EPB41L4A: variants seen among roughly 807,000 people sequenced by gnomAD.
The protein encoded by EPB41L4A is band 4.1-like protein 4A.
A neutral mutation model predicts 108.6 loss-of-function variants in EPB41L4A; 100 were observed. That is an observed-to-expected ratio of 0.92 (90% CI 0.78 to 1.09). The LOEUF (loss-of-function observed/expected upper bound fraction) is 1.09. Ranked by LOEUF, EPB41L4A falls within the 50% of genes least tolerant of loss-of-function variation. EPB41L4A has a pLI of 0.00. For missense variants in EPB41L4A, 1,030 were observed against 842.7 expected, an observed-to-expected ratio of 1.22 and a Z score of -2.75; for synonymous variants, 319 against 289.0, an observed-to-expected ratio of 1.10 and a Z score of -1.05.
chr5:112,375,522 G>T (rs1759764435), intron 1 of EPB41L4A, among the ~76,000 whole-genome samples: 1 of 152,010 alleles, frequency 6.6e-6, no homozygotes, highest in South Asian at 2.1e-4. Flanking sequence ...CCAACACCAA[G>T]ATGGCAGAGA....
rs779202128 is a variant in EPB41L4A at position 112,164,963 on chromosome 5, A to G, written c.*27T>C. 1 of 1,582,212 alleles carries G rather than the reference A, an allele frequency of 6.3e-7. No individual in the cohort carries two copies. The highest frequency in any genetic ancestry group is 8.6e-7 in the Non-Finnish European group (1 of 1,168,036). The stretch of plus-strand genomic sequence containing the variant: ...TACCAGTGGCGCACACAACCTTCCC[A>G]CCCCTACCCTTGACCCTTCATCAGG... On this transcript the variant is annotated 3_prime_UTR_variant, in exon 23 of 23. Coordinates refer to ENST00000261486, the MANE Select transcript of EPB41L4A (RefSeq NM_022140.5).
At chr5:112,180,688 GA>G (rs1561454150) in intron 18 of EPB41L4A, among the ~76,000 whole-genome samples, 1 of 134,470 alleles carries the variant, frequency 7.4e-6, no homozygotes, top group Non-Finnish European at 1.6e-5. Context: ...AACTAGAAAT[GA>G]AAAAAACTGA....
At chr5:112,408,718 AGGGCC>A (rs1561652611) in intron 1 of EPB41L4A, among the ~76,000 whole-genome samples, 36 of 63,018 alleles carry the variant, frequency 5.7e-4, no homozygotes, top group East Asian at 2.0e-3. Context: ...AAAAAAAAAA[AGGGCC>A]AGTAAGCACA....
At chr5:112,305,730 G>C (rs1166554754) in intron 2 of EPB41L4A, among the ~76,000 whole-genome samples, 1 of 152,022 alleles carries the variant, frequency 6.6e-6, no homozygotes, top group African/African-American at 2.4e-5. Context: ...TTTTAGCTGA[G>C]TTTACCATTA....
chr5:112,355,364 A>G (rs1025820362), intron 1 of EPB41L4A, among the ~76,000 whole-genome samples: 1 of 152,226 alleles, frequency 6.6e-6, no homozygotes, highest in Non-Finnish European at 1.5e-5. Flanking sequence ...TTTTAAATTA[A>G]GTATGAAATT....
intron 1 of EPB41L4A, among the ~76,000 whole-genome samples, chr5:112,309,754 A>T (rs1029051110): frequency 6.6e-6 from 1 of 152,234 alleles, no homozygotes; most frequent in Non-Finnish European, 1.5e-5. Flanking sequence ...TAAAAAGCAC[A>T]GCACTTTCTC....
chr5:112,199,271 T>A (rs1037179365), intron 15 of EPB41L4A, among the ~76,000 whole-genome samples: 1 of 152,242 alleles, frequency 6.6e-6, no homozygotes, highest in Admixed American at 6.5e-5. Flanking sequence ...CCTGTCCATC[T>A]CTTACAAAGG....
chr5:112,273,231 A>G (rs1752391757), intron 4 of EPB41L4A, among the ~76,000 whole-genome samples: 1 of 152,260 alleles, frequency 6.6e-6, no homozygotes, highest in African/African-American at 2.4e-5. Context: ...TAGGCAACAA[A>G]TCATGGACAC....
chr5:112,413,951 G>T (rs1431344201), intron 1 of EPB41L4A, among the ~76,000 whole-genome samples: 1 of 151,970 alleles, frequency 6.6e-6, no homozygotes, highest in East Asian at 1.9e-4. Context: ...AGGAAAGGTG[G>T]AATAAAGTTA....
At chr5:112,380,206 C>T (rs1760076739) in intron 1 of EPB41L4A, among the ~76,000 whole-genome samples, 1 of 152,034 alleles carries the variant, frequency 6.6e-6, no homozygotes, top group Non-Finnish European at 1.5e-5. Flanking sequence ...CTCGTGCTAC[C>T]AAATCCTGAG....
In EPB41L4A at chr5:112,418,985, C is replaced by G; in HGVS notation, c.55G>C (p.Asp19His). 1 of 1,613,648 alleles carries G rather than the reference C, an allele frequency of 6.2e-7. No homozygotes were observed. The highest frequency in any genetic ancestry group is 8.5e-7 in the Non-Finnish European group (1 of 1,179,720). The change falls in exon 1 of 23, where the codon GAT becomes CAT. Residue 19 changes from aspartate to histidine, a missense_variant. Physicochemically the swap from Asp to His is moderately conservative, Grantham distance 81. Coordinates refer to ENST00000261486, the MANE Select transcript of EPB41L4A (RefSeq NM_022140.5). ...GTGGTAAGGGTTAACTTGGATTCAT[C>G]CAGGAGCAAAACTTCGCAGTAAAAT... ...EEFYCEVLLL[D>H]ESKLTLTTQQ...
intron 1 of EPB41L4A, among the ~76,000 whole-genome samples, chr5:112,407,916 TAC>T (rs1260812544): frequency 6.6e-6 from 1 of 152,246 alleles, no homozygotes; most frequent in African/African-American, 2.4e-5. Flanking sequence ...GAGCAAAATA[TAC>T]AGTGTCGCTG....
At chr5:112,182,118 A>G (rs1440051527) in intron 18 of EPB41L4A, among the ~76,000 whole-genome samples, 1 of 152,024 alleles carries the variant, frequency 6.6e-6, no homozygotes, top group Admixed American at 6.6e-5. Context: ...GGCACTGACT[A>G]GAAGGAGCAT....
At chr5:112,151,076 G>GC (rs1759446569) in intron 12 of EPB41L4A, among the ~76,000 whole-genome samples, 1 of 152,106 alleles carries the variant, frequency 6.6e-6, no homozygotes, top group South Asian at 2.1e-4. Flanking sequence ...TGATGTTGAT[G>GC]CTGATGGTCG....
intron 1 of EPB41L4A, among the ~76,000 whole-genome samples, chr5:112,396,600 C>CA (rs1014664237): frequency 6.6e-6 from 1 of 152,206 alleles, no homozygotes; most frequent in African/African-American, 2.4e-5. Flanking sequence ...GCCAGGGCTG[C>CA]AGTCCATTGA....
chr5:112,293,378 T>TC (rs1244951154), intron 2 of EPB41L4A, among the ~76,000 whole-genome samples: 18 of 105,544 alleles, frequency 1.7e-4, no homozygotes, highest in African/African-American at 9.8e-4. Context: ...TTAATTTAGT[T>TC]TAATTTAGTT....
chr5:112,168,379 A>C (rs746261154), intron 22 of EPB41L4A, among the ~76,000 whole-genome samples: 2 of 152,234 alleles, frequency 1.3e-5, no homozygotes, highest in African/African-American at 2.4e-5. Context: ...TAACAAAGTG[A>C]GTCTATCACT....
At chr5:112,419,367 G>A (rs1762938993), upstream of EPB41L4A, 8 of 362,612 alleles carry the variant, frequency 2.2e-5, no homozygotes, top group Non-Finnish European at 4.2e-5. Context: ...GCAGTCCTGG[G>A]GACGACAAAA....
At chr5:112,414,738 G>A (rs1226511149) in intron 1 of EPB41L4A, among the ~76,000 whole-genome samples, 2 of 152,176 alleles carry the variant, frequency 1.3e-5, no homozygotes, top group Non-Finnish European at 2.9e-5. Flanking sequence ...ATGATAAAAG[G>A]TATTTTTAAT....
Sources: gnomAD v4.1 joint callset for allele counts (sites outside exome capture counted in the v4.1 genomes callset) on GRCh38, gnomAD v4.1.1 for gene constraint, MANE v1.5 for transcripts, NCBI Gene and HGNC (gene_info 2026-07-23, HGNC 2026-07-21) for gene names.